Variants in MDGA2 observed in about 807,000 individuals in gnomAD.
MDGA2 encodes MAM domain containing glycosylphosphatidylinositol anchor 2, also known as MAM domain-containing glycosylphosphatidylinositol anchor protein 2.
In MDGA2, 40 loss-of-function variants were observed where a neutral mutation model predicts 117.8. That is an observed-to-expected ratio of 0.34 (90% CI 0.26 to 0.44). The LOEUF (loss-of-function observed/expected upper bound fraction) is 0.44. MDGA2 is among the 20% of genes least tolerant of loss of function. The probability of loss-of-function intolerance (pLI) is 1.00; values close to 1 mark genes in which losing one functional copy is unlikely to be tolerated. For synonymous variants in MDGA2, 452 were observed against 439.0 expected (o/e 1.03, Z -0.37); for missense variants, 1,123 against 1,250.6 (o/e 0.90, Z 1.54).
intron 1 of MDGA2, among the ~76,000 whole-genome samples, chr14:47,497,403 T>C (rs1174120753): frequency 1.3e-5 from 2 of 152,072 alleles, no homozygotes; most frequent in African/African-American, 4.8e-5. Context: ...ATTACAGGCA[T>C]GCACCACCAC....
intron 2 of MDGA2, among the ~76,000 whole-genome samples, chr14:47,222,867 G>T (rs1041348475): frequency 2.6e-5 from 4 of 152,162 alleles, no homozygotes; most frequent in African/African-American, 9.7e-5. Context: ...GTATCCAGAA[G>T]CCGATGAATA....
At chr14:46,914,573 T>C (rs199883284) in intron 10 of MDGA2, among the ~76,000 whole-genome samples, 2 of 152,138 alleles carry the variant, frequency 1.3e-5, no homozygotes, top group East Asian at 3.9e-4. Flanking sequence ...GAATGCTGGG[T>C]TCAATTTATC....
intron 1 of MDGA2, among the ~76,000 whole-genome samples, chr14:47,333,918 CAA>C (rs952170735): frequency 6.6e-6 from 1 of 151,654 alleles, no homozygotes; most frequent in Non-Finnish European, 1.5e-5. Context: ...AAGTGATAAA[CAA>C]TAATATTTCT....
chr14:47,521,627 TTA>T (rs1245328486), intron 1 of MDGA2, among the ~76,000 whole-genome samples: 2 of 152,166 alleles, frequency 1.3e-5, no homozygotes, highest in East Asian at 3.8e-4. Context: ...CAAAATATCT[TTA>T]TGTTATTAAA....
chr14:47,614,031 A>G (rs1896901915), intron 1 of MDGA2, among the ~76,000 whole-genome samples: 1 of 149,178 alleles, frequency 6.7e-6, no homozygotes, highest in Non-Finnish European at 1.5e-5. Flanking sequence ...ACAAAAATCA[A>G]TTTTCCCCAT....
intron 1 of MDGA2, among the ~76,000 whole-genome samples, chr14:47,349,955 T>C (rs1382577811): frequency 6.6e-6 from 1 of 152,210 alleles, no homozygotes; most frequent in African/African-American, 2.4e-5. Flanking sequence ...TCACATCAGA[T>C]ACATCCATTT....
chr14:47,041,672 TTC>T (rs1026272244), intron 7 of MDGA2, among the ~76,000 whole-genome samples: 1 of 152,104 alleles, frequency 6.6e-6, no homozygotes, highest in African/African-American at 2.4e-5. Flanking sequence ...CACATTGCTT[TTC>T]TGTCAACTTT....
chr14:47,293,613 A>C lies in MDGA2; in HGVS notation c.420+7798T>G, dbSNP rs186648453. 1.0e-3 allele frequency among the ~76,000 whole-genome samples: 152 copies of C among 152,348 alleles called. 1 individual carries two copies. Among genetic ancestry groups the C allele is most frequent in the Admixed American group, 1.9e-3 (29 of 15,306 alleles). The stretch of plus-strand genomic sequence containing the variant: ...TTTAGTATCAACGACTCAATCACAA[A>C]TACGATTATCATTTACTAAGCATTT... On this transcript the variant is annotated intron_variant, in intron 2 of 16. Coordinates refer to ENST00000399232, the MANE Select transcript of MDGA2 (RefSeq NM_001113498.3).
At chr14:47,140,422 T>G (rs1882668406) in intron 4 of MDGA2, among the ~76,000 whole-genome samples, 1 of 152,062 alleles carries the variant, frequency 6.6e-6, no homozygotes, top group African/African-American at 2.4e-5. Context: ...CTATCTGACT[T>G]CAAAATATTC....
chr14:47,339,304 T>G (rs994908840), intron 1 of MDGA2, among the ~76,000 whole-genome samples: 1 of 152,170 alleles, frequency 6.6e-6, no homozygotes, highest in Admixed American at 6.6e-5. Context: ...AGATTTTATT[T>G]TTCTCAAGAA....
intron 3 of MDGA2, among the ~76,000 whole-genome samples, chr14:47,208,726 T>A (rs963978788): frequency 6.6e-6 from 1 of 151,942 alleles, no homozygotes; most frequent in Admixed American, 6.6e-5. Flanking sequence ...GAATCCCACC[T>A]AGACAATGGA....
At chr14:47,263,274 C>T (rs1053473264) in intron 2 of MDGA2, among the ~76,000 whole-genome samples, 1 of 152,034 alleles carries the variant, frequency 6.6e-6, no homozygotes, top group African/African-American at 2.4e-5. Flanking sequence ...CACGTGGATT[C>T]AAATTATAAA....
intron 9 of MDGA2, among the ~76,000 whole-genome samples, chr14:46,932,026 G>A (rs1240578380): frequency 6.6e-6 from 1 of 151,738 alleles, no homozygotes; most frequent in East Asian, 1.9e-4. Flanking sequence ...CCCATAATTC[G>A]ACAAATTCCA....
At position 47,035,276 on chromosome 14, in the gene MDGA2, T is replaced by C. The variant is rs1888806537; in HGVS notation, c.1554A>G (p.Glu518=). 3.7e-6 allele frequency: 6 copies of C among 1,613,960 alleles called. No individual in the cohort carries two copies. The highest frequency in any genetic ancestry group is 1.1e-5 in the South Asian group (1 of 91,052). Residue 518 remains glutamate, a synonymous_variant, in exon 8 of 17, where the codon GAA becomes GAG. Coordinates refer to ENST00000399232, the MANE Select transcript of MDGA2 (RefSeq NM_001113498.3). ...CTTCTCTGGTGACCAATGGTGATTT[T>C]TCCTGTGGAACAGTCAGATTGGGTG... is the stretch of plus-strand genomic sequence containing the variant. ...TVPPNLTVPQ[E]KSPLVTREGD...
intron 2 of MDGA2, among the ~76,000 whole-genome samples, chr14:47,263,285 T>C (rs1887859281): frequency 6.6e-6 from 1 of 151,828 alleles, no homozygotes; most frequent in African/African-American, 2.4e-5. Flanking sequence ...AAATTATAAA[T>C]TGTTATTTTG....
intron 1 of MDGA2, among the ~76,000 whole-genome samples, chr14:47,550,291 GCA>G (rs1895556118): frequency 6.6e-6 from 1 of 152,146 alleles, no homozygotes; most frequent in Admixed American, 6.6e-5. Context: ...AGGCTAAATA[GCA>G]TTTTATTTTC....
intron 1 of MDGA2, among the ~76,000 whole-genome samples, chr14:47,519,697 C>T (rs1250267741): frequency 6.6e-6 from 1 of 152,114 alleles, no homozygotes; most frequent in Non-Finnish European, 1.5e-5. Context: ...TTTTAATCTT[C>T]TGGAGTCATC....
chr14:46,862,053 A>G (rs1175738640), intron 14 of MDGA2, among the ~76,000 whole-genome samples: 1 of 152,044 alleles, frequency 6.6e-6, no homozygotes, highest in Non-Finnish European at 1.5e-5. Context: ...CCCCAGAGAC[A>G]CTGTGTTCAT....
chr14:47,422,118 T>C (rs546350353), intron 1 of MDGA2, among the ~76,000 whole-genome samples: 10 of 152,286 alleles, frequency 6.6e-5, no homozygotes, highest in African/African-American at 1.9e-4. Context: ...ATTTTCTGAT[T>C]TTTATTTCCA....
Sources: gnomAD v4.1 joint callset for allele counts (sites outside exome capture counted in the v4.1 genomes callset) on GRCh38, gnomAD v4.1.1 for gene constraint, MANE v1.5 for transcripts, NCBI Gene and HGNC (gene_info 2026-07-23, HGNC 2026-07-21) for gene names.